Variants in CPE observed in about 807,000 individuals in gnomAD.
CPE encodes carboxypeptidase E, also known as carbocypeptidase E.
CPE carries 17 observed loss-of-function variants against 53.5 expected under a neutral mutation model. The ratio of observed to expected loss-of-function variants is 0.32; its 90% confidence interval spans 0.22 to 0.48. The LOEUF (loss-of-function observed/expected upper bound fraction) is 0.48. Among genes scored for constraint, CPE ranks in the 20% least tolerant of loss-of-function variants. The probability of loss-of-function intolerance (pLI) is 0.99; values close to 1 mark genes in which losing one functional copy is unlikely to be tolerated. For synonymous variants in CPE, 226 were observed against 228.8 expected, an observed-to-expected ratio of 0.99 and a Z score of 0.11; for missense variants, 524 against 614.7, an observed-to-expected ratio of 0.85 and a Z score of 1.56.
intron 1 of CPE, among the ~76,000 whole-genome samples, chr4:165,398,774 T>C (rs562076177): frequency 6.6e-6 from 1 of 152,294 alleles, no homozygotes; most frequent in Non-Finnish European, 1.5e-5. Flanking sequence ...GCAGACTTGC[T>C]TGTTGAGTGG....
At chr4:165,408,761 CCA>C (rs1378347617) in intron 1 of CPE, among the ~76,000 whole-genome samples, 1 of 152,178 alleles carries the variant, frequency 6.6e-6, no homozygotes, top group African/African-American at 2.4e-5. Flanking sequence ...GGTTCAGAGG[CCA>C]CACTTTGAGA....
Position 165,404,604 on chromosome 4 carries a change from C to T in CPE, c.307+25076C>T, listed in dbSNP as rs182792072. The T allele has an allele frequency of 3.0e-3, 3,326 of 1,110,150 alleles. 8 individuals are homozygous for T. The highest frequency in any genetic ancestry group is 5.3e-3 in the Admixed American group (313 of 59,170). The allele number at this position is 1,110,150 out of a possible 1,614,324, so 68.8% of individuals were successfully genotyped here. ...ACGCCAACTTCATCCACCAGTGTGG[C>T]GGCACCCACAGGAAGGCCAAGGCTT... On this transcript the variant is annotated intron_variant, in intron 1 of 8. Transcript: ENST00000402744.
intron 1 of CPE, among the ~76,000 whole-genome samples, chr4:165,413,945 T>G (rs1228381669): frequency 6.6e-6 from 1 of 152,248 alleles, no homozygotes; most frequent in Non-Finnish European, 1.5e-5. Flanking sequence ...GTTAAATTAT[T>G]AATAGCATTT....
intron 1 of CPE, chr4:165,404,560 C>T (rs563999765): frequency 4.4e-5 from 41 of 936,482 alleles, no homozygotes; most frequent in Admixed American, 6.8e-5. Context: ...GATCTTTGGC[C>T]ACATGTTTCG....
At chr4:165,480,012 AT>A (rs1732375963) in intron 3 of CPE, among the ~76,000 whole-genome samples, 1 of 151,656 alleles carries the variant, frequency 6.6e-6, no homozygotes. Context: ...AAAAAAAGCT[AT>A]GCATTTCAAT....
At chr4:165,442,013 C>T (rs903267687) in intron 1 of CPE, among the ~76,000 whole-genome samples, 3 of 145,282 alleles carry the variant, frequency 2.1e-5, no homozygotes, top group Non-Finnish European at 3.0e-5. Context: ...TACAGCAAGA[C>T]GGTGAGTTTG....
intron 3 of CPE, among the ~76,000 whole-genome samples, chr4:165,470,642 A>G (rs934004470): frequency 3.2e-4 from 49 of 151,664 alleles, no homozygotes; most frequent in Non-Finnish European, 6.9e-4. Context: ...CTTGACCATC[A>G]CCTGATGGTT....
chr4:165,452,874 A>G lies in CPE; in HGVS notation c.308-11516A>G, dbSNP rs531608833. 2.6e-5 allele frequency among the ~76,000 whole-genome samples: 4 copies of G among 152,206 alleles called. No individual in the cohort carries two copies. The South Asian group carries it at 8.3e-4, about 32-fold the overall frequency. ...TACAGCTGCTCAGGCCCCTTCTCAAACCTTCTGAAGGATGACCTTGGGAAT... is the reference window on the plus strand; with the variant it reads ...TACAGCTGCTCAGGCCCCTTCTCAAGCCTTCTGAAGGATGACCTTGGGAAT... On this transcript the variant is annotated intron_variant, in intron 1 of 8. Coordinates refer to ENST00000402744, the MANE Select transcript of CPE (RefSeq NM_001873.4).
At chr4:165,418,403 T>C (rs1291891330) in intron 1 of CPE, 1 of 152,194 alleles carries the variant, frequency 6.6e-6, no homozygotes, top group Admixed American at 6.5e-5. Flanking sequence ...TGAGGAGTGA[T>C]TGTGCTGAAA....
intron 6 of CPE, among the ~76,000 whole-genome samples, chr4:165,492,684 C>A (rs1210218373): frequency 1.3e-5 from 2 of 152,140 alleles, no homozygotes; most frequent in African/African-American, 4.8e-5. Context: ...TAGAACGGAA[C>A]AGAACAGGAC....
intron 1 of CPE, among the ~76,000 whole-genome samples, chr4:165,417,794 A>G (rs1731150246): frequency 6.6e-6 from 1 of 150,986 alleles, no homozygotes; most frequent in African/African-American, 2.4e-5. Context: ...AAAAAAAGAC[A>G]TTAAATCTCC....
chr4:165,414,248 T>C (rs1731086911), intron 1 of CPE, among the ~76,000 whole-genome samples: 1 of 152,230 alleles, frequency 6.6e-6, no homozygotes, highest in Admixed American at 6.5e-5. Context: ...ATTGGATTTA[T>C]CTTGAAAACA....
chr4:165,456,458 T>A (rs1167949870), intron 1 of CPE, among the ~76,000 whole-genome samples: 1 of 152,180 alleles, frequency 6.6e-6, no homozygotes, highest in Non-Finnish European at 1.5e-5. Context: ...TATCCTAGCA[T>A]GAAATGAAAC....
chr4:165,409,090 A>C (rs549055672), intron 1 of CPE, among the ~76,000 whole-genome samples: 1 of 152,310 alleles, frequency 6.6e-6, no homozygotes, highest in Admixed American at 6.5e-5. Context: ...TGAGCACATA[A>C]GCAAGTATAT....
At position 165,436,690 on chromosome 4, in the gene CPE, G is replaced by A. The variant is rs180851330; in HGVS notation, c.308-27700G>A. On this transcript the variant is annotated intron_variant, in intron 1 of 8. Coordinates refer to ENST00000402744, the MANE Select transcript of CPE (RefSeq NM_001873.4). ...AGAAAAATCTTTTTAATTATTTAGA[G>A]ATGGGCTCTTGCTATATTGCCCAGG... 1.1e-4 allele frequency among the ~76,000 whole-genome samples: 17 copies of A among 152,292 alleles called. No homozygotes were observed. The East Asian group carries it at 1.9e-3, about 17-fold the overall frequency.
chr4:165,467,091 G>A (rs1732118671), intron 2 of CPE, among the ~76,000 whole-genome samples: 1 of 152,206 alleles, frequency 6.6e-6, no homozygotes, highest in South Asian at 2.1e-4. Flanking sequence ...GGGAGGCCCA[G>A]AGGAGAAGAT....
At chr4:165,413,381 G>A (rs1306050422) in intron 1 of CPE, among the ~76,000 whole-genome samples, 1 of 152,190 alleles carries the variant, frequency 6.6e-6, no homozygotes, top group Admixed American at 6.5e-5. Context: ...ACCCAGCATG[G>A]TGACCCAGAA....
At chr4:165,389,478 T>C (rs2126654463) in intron 1 of CPE, among the ~76,000 whole-genome samples, 1 of 152,352 alleles carries the variant, frequency 6.6e-6, no homozygotes, top group African/African-American at 2.4e-5. Flanking sequence ...TATTGTTCTC[T>C]GGGTTTTTAA....
intron 7 of CPE, among the ~76,000 whole-genome samples, chr4:165,495,102 A>T (rs183895602): frequency 6.6e-6 from 1 of 152,208 alleles, no homozygotes; most frequent in African/African-American, 2.4e-5. Flanking sequence ...GTGTATTCTA[A>T]GTCTTTAGAA....
Sources: gnomAD v4.1 joint callset for allele counts (sites outside exome capture counted in the v4.1 genomes callset) on GRCh38, gnomAD v4.1.1 for gene constraint, MANE v1.5 for transcripts, NCBI Gene and HGNC (gene_info 2026-07-23, HGNC 2026-07-21) for gene names.